Variants in PCDHGA8 observed in about 807,000 individuals in gnomAD.
PCDHGA8 encodes the protein protocadherin gamma subfamily A, 8.
Under a neutral mutation model 59.2 loss-of-function variants are expected in PCDHGA8, and 45 were observed. The ratio of observed to expected loss-of-function variants is 0.76; its 90% CI spans 0.60 to 0.98. The LOEUF (loss-of-function observed/expected upper bound fraction) is 0.98, where lower values mean the gene tolerates loss of function less well. Among genes scored for constraint, PCDHGA8 ranks in the 50% least tolerant of loss-of-function variants. The pLI is 0.00. For synonymous variants in PCDHGA8, 531 were observed against 519.0 expected (o/e 1.02, Z -0.32); for missense variants, 1,257 against 1,196.2 (o/e 1.05, Z -0.75).
chr5:141,471,044 CT>C (rs1432278092), intron 1 of PCDHGA8, among the ~76,000 whole-genome samples: 3 of 136,442 alleles, frequency 2.2e-5, no homozygotes. Flanking sequence ...AGCCCAAGCC[CT>C]CTTTTTTTTT....
chr5:141,498,254 G>A (rs550611179), intron 2 of PCDHGA8, among the ~76,000 whole-genome samples: 2 of 152,338 alleles, frequency 1.3e-5, no homozygotes, highest in East Asian at 3.9e-4. Context: ...AGCAGGGCTG[G>A]TGTTGAGTTC....
At chr5:141,419,556 C>A (rs202164819) in intron 1 of PCDHGA8, 227 of 1,611,892 alleles carry the variant, frequency 1.4e-4, no homozygotes, top group Non-Finnish European at 8.6e-5. Context: ...CTGTACCCTG[C>A]GCTGGGTCCC....
intron 1 of PCDHGA8, chr5:141,415,938 C>T (rs1351429284): frequency 3.4e-6 from 2 of 588,200 alleles, no homozygotes; most frequent in East Asian, 4.2e-5. Context: ...ATATTTCCTC[C>T]TGGGTGGTCA....
rs949391796 is a variant in PCDHGA8 at position 141,493,050 on chromosome 5, A to G, written c.2425-1757A>G. 6.6e-6 allele frequency among the ~76,000 whole-genome samples: 1 copy of G among 152,262 alleles called. No homozygotes were observed. The highest frequency in any genetic ancestry group is 2.4e-5 in the African/African-American group (1 of 41,464). On this transcript the variant is annotated intron_variant, in intron 1 of 3. Coordinates refer to ENST00000398604, the MANE Select transcript of PCDHGA8 (RefSeq NM_032088.2). The surrounding 1 kb of genome is among the most constrained non-coding windows in gnomAD (Gnocchi z 4.3). Reference sequence around the variant, plus strand: ...CCCTTATGTGTGAGGAAACTACAATAGTAAAAAACACAAGTTTCTCCAACT... The same window carrying G: ...CCCTTATGTGTGAGGAAACTACAATGGTAAAAAACACAAGTTTCTCCAACT...
Position 141,422,925 on chromosome 5 carries a change from T to C in PCDHGA8, c.2424+27688T>C, listed in dbSNP as rs568894245. ...ACAATGCGCCCGAGATCCTGTACCC[T>C]GCCCTCCCCACAGACGGCTCCACTG... On this transcript the variant is annotated intron_variant, in intron 1 of 3. Transcript: ENST00000398604. 1.4e-4 allele frequency: 220 copies of C among 1,614,202 alleles called. 2 individuals are homozygous for C. The South Asian group carries it at 2.2e-3, about 16-fold the overall frequency.
Position 141,476,187 on chromosome 5 carries a change from G to A in PCDHGA8, c.2425-18620G>A. 6.2e-7 allele frequency: 1 copy of A among 1,613,782 alleles called. No individual in the cohort carries two copies. The highest frequency in any genetic ancestry group is 1.1e-5 in the South Asian group (1 of 91,072). ...GTAGTGGGAGTTTTGCTTCTGCTTG[G>A]TGCCTTGAACAAGGCTTCCACGGTC... On this transcript the variant is annotated intron_variant, in intron 1 of 3. Coordinates refer to ENST00000398604, the MANE Select transcript of PCDHGA8 (RefSeq NM_032088.2). This position sits in a 1 kb window ranked among gnomAD's most constrained non-coding sequence, Gnocchi z 7.6.
At chr5:141,409,330 C>T (rs920851409) in intron 1 of PCDHGA8, 1 of 1,613,836 alleles carries the variant, frequency 6.2e-7, no homozygotes, top group African/African-American at 1.3e-5. Flanking sequence ...ATCTGGATTT[C>T]GGAGGAAATG....
At chr5:141,510,238 A>C (rs2099880007) in intron 3 of PCDHGA8, among the ~76,000 whole-genome samples, 1 of 149,340 alleles carries the variant, frequency 6.7e-6, no homozygotes, top group Non-Finnish European at 1.5e-5. Flanking sequence ...GCGCCACTGC[A>C]CTCCAGGCTG....
chr5:141,404,764 C>A lies in PCDHGA8; in HGVS notation c.2424+9527C>A, dbSNP rs371618979. 152 of 1,613,920 alleles carry A rather than the reference C, an allele frequency of 9.4e-5. 1 individual carries two copies. In the African/African-American group the frequency reaches 1.6e-3, roughly 17 times the overall value. ...GAGACTCAGGCCAGAATGCTTGGCT[C>A]TCCTACCGCCTATTCAAGGCCAGTG... On this transcript the variant is annotated intron_variant, in intron 1 of 3. Coordinates refer to ENST00000398604, the MANE Select transcript of PCDHGA8 (RefSeq NM_032088.2).
At position 141,476,789 on chromosome 5, in the gene PCDHGA8, T is replaced by C; in HGVS notation, c.2425-18018T>C. ...GTTGGACGGAGGGACCCCAGCTCTC[T>C]CCGCCAGCCTGCCTATTCACATCAA... On this transcript the variant is annotated intron_variant, in intron 1 of 3. Transcript: ENST00000398604. The surrounding 1 kb of genome is among the most constrained non-coding windows in gnomAD (Gnocchi z 7.6). 1.2e-6 allele frequency: 2 copies of C among 1,613,374 alleles called. No individual in the cohort carries two copies. The highest frequency in any genetic ancestry group is 4.5e-5 in the East Asian group (2 of 44,864).
chr5:141,395,544 G>T (rs1352260391), intron 1 of PCDHGA8: 4 of 11,560 alleles, frequency 3.5e-4, no homozygotes, highest in African/African-American at 5.6e-4. Flanking sequence ...GCTATTGTTT[G>T]TGTGTGTGTG....
chr5:141,404,298 C>A, intron 1 of PCDHGA8: 3 of 1,613,868 alleles, frequency 1.9e-6, no homozygotes, highest in Non-Finnish European at 2.5e-6. Flanking sequence ...AATGATAATC[C>A]ACCTGCTTTC....
chr5:141,409,033 A>C, intron 1 of PCDHGA8: 1 of 1,614,028 alleles, frequency 6.2e-7, no homozygotes, highest in South Asian at 1.1e-5. Context: ...ATGCTGAGAT[A>C]AACTACTACT....
intron 1 of PCDHGA8, chr5:141,409,419 CAGAT>C (rs1303289792): frequency 3.1e-6 from 5 of 1,614,028 alleles, no homozygotes; most frequent in Non-Finnish European, 3.4e-6. Context: ...AAACTGGTGA[CAGAT>C]GGAGCCCTGG....
At position 141,393,001 on chromosome 5, in the gene PCDHGA8, G is replaced by A. The variant is rs775192271; in HGVS notation, c.188G>A (p.Gly63Glu). ...GACCCCCGGAAGCTGGCGAAGCACG[G>A]AGTCCGTATCGTCTCCAGAGGTAGG... is the stretch of plus-strand genomic sequence containing the variant. ...GLDPRKLAKH[G>E]VRIVSRGRTQ... Residue 63 changes from glycine (G) to glutamate (E), a missense_variant, in exon 1 of 4, where the codon GGA becomes GAA. Physicochemically the swap from Gly to Glu is moderately conservative, Grantham distance 98. Transcript: ENST00000398604. 1 of 1,613,908 alleles carries A rather than the reference G, an allele frequency of 6.2e-7. No homozygotes were observed. The highest frequency in any genetic ancestry group is 1.1e-5 in the South Asian group (1 of 91,078).
intron 1 of PCDHGA8, among the ~76,000 whole-genome samples, chr5:141,449,264 C>T (rs2098633342): frequency 6.6e-6 from 1 of 152,056 alleles, no homozygotes; most frequent in African/African-American, 2.4e-5. Flanking sequence ...GTACAAAGAA[C>T]TGTATCTCCT....
chr5:141,492,320 G>A (rs1001784912), intron 1 of PCDHGA8, among the ~76,000 whole-genome samples: 1 of 152,206 alleles, frequency 6.6e-6, no homozygotes. Flanking sequence ...CTCCTCGCAC[G>A]TGGGCTTACG....
At chr5:141,413,824 A>G (rs1265406182) in intron 1 of PCDHGA8, 1 of 1,613,114 alleles carries the variant, frequency 6.2e-7, no homozygotes, top group Middle Eastern at 1.6e-4. Context: ...CCTGGTCCTC[A>G]CCGCCTCCGA....
intron 1 of PCDHGA8, chr5:141,399,397 G>C: frequency 1.2e-6 from 2 of 1,613,940 alleles, no homozygotes; most frequent in Non-Finnish European, 8.5e-7. Context: ...CACAGACAGG[G>C]GCAAGCCGCC....
Sources: allele counts gnomAD v4.1 joint callset (sites outside exome capture counted in the v4.1 genomes callset), GRCh38; gene constraint gnomAD v4.1.1; non-coding constraint Gnocchi (gnomAD v3.1); transcripts MANE v1.5; gene names NCBI Gene and HGNC (gene_info 2026-07-23, HGNC 2026-07-21).